Variants in MAP4K4 observed in about 807,000 individuals in gnomAD.
MAP4K4 encodes the protein HPK/GCK-like kinase HGK.
Under a neutral mutation model 189.6 loss-of-function variants are expected in MAP4K4, and 38 were observed. That is an observed-to-expected ratio of 0.20 (90% CI 0.15 to 0.26). MAP4K4 has a LOEUF of 0.26. Among genes scored for constraint, MAP4K4 ranks in the 10% least tolerant of loss-of-function variants. The pLI is 1.00. For synonymous variants in MAP4K4, 610 were observed against 624.3 expected (o/e 0.98, Z 0.34); for missense variants, 1,054 against 1,726.9 (o/e 0.61, Z 6.91).
At chr2:101,806,229 G>A (rs2094913301) in intron 3 of MAP4K4, among the ~76,000 whole-genome samples, 1 of 152,148 alleles carries the variant, frequency 6.6e-6, no homozygotes, top group African/African-American at 2.4e-5. Context: ...TAACTGCTAG[G>A]TTGAGGGAAT....
chr2:101,769,358 C>T (rs6744704), intron 2 of MAP4K4, among the ~76,000 whole-genome samples: 14,773 of 151,968 alleles, frequency 0.097, 2,042 homozygotes, highest in African/African-American at 0.31. Flanking sequence ...TGCTTACAGA[C>T]ATGAAAGTTT....
intron 27 of MAP4K4, among the ~76,000 whole-genome samples, chr2:101,881,154 T>C (rs1460209808): frequency 1.3e-5 from 2 of 152,236 alleles, no homozygotes; most frequent in Non-Finnish European, 2.9e-5. Context: ...TCATCAGAAT[T>C]TGTAGTTTTC....
At chr2:101,727,821 C>T (rs1424688239) in intron 2 of MAP4K4, among the ~76,000 whole-genome samples, 1 of 152,110 alleles carries the variant, frequency 6.6e-6, no homozygotes, top group African/African-American at 2.4e-5. Context: ...ATACAAAAAT[C>T]AGCCGGGCAT....
chr2:101,870,513 TG>T, intron 23 of MAP4K4, 98 bp downstream of exon 23: 1 of 1,502,830 alleles, frequency 6.7e-7, no homozygotes, highest in Non-Finnish European at 9.0e-7. Context: ...CATCATCATC[TG>T]TTTTCATGTT....
rs906911159 is a variant in MAP4K4 at position 101,776,099 on chromosome 2, C to T, written c.124-14621C>T. Reference sequence around the variant, plus strand: ...ACTGGAGCCTTTCTGACATTATTCCCCATCAAGCCGTAGTGGCAGTTACTC... The same window carrying T: ...ACTGGAGCCTTTCTGACATTATTCCTCATCAAGCCGTAGTGGCAGTTACTC... On this transcript the variant is annotated intron_variant, in intron 2 of 32. Coordinates refer to ENST00000324219, the Ensembl canonical transcript of MAP4K4. Among the ~76,000 whole-genome samples, 3 of 152,144 alleles carry T rather than the reference C, an allele frequency of 2.0e-5. No individual in the cohort carries two copies. The South Asian group carries it at 6.2e-4, about 31-fold the overall frequency.
At chr2:101,721,436 T>C (rs915079800) in intron 2 of MAP4K4, among the ~76,000 whole-genome samples, 3 of 116,654 alleles carry the variant, frequency 2.6e-5, no homozygotes, top group Admixed American at 8.7e-5. Flanking sequence ...AGTATATTGC[T>C]TTTTTTTTTT....
intron 2 of MAP4K4, among the ~76,000 whole-genome samples, chr2:101,730,535 G>T (rs1237759032): frequency 6.6e-6 from 1 of 152,136 alleles, no homozygotes; most frequent in East Asian, 1.9e-4. Context: ...ATTGTCCCGT[G>T]GGTCTCTATT....
At chr2:101,787,621 A>T (rs1038735780) in intron 2 of MAP4K4, among the ~76,000 whole-genome samples, 1 of 151,944 alleles carries the variant, frequency 6.6e-6, no homozygotes, top group East Asian at 1.9e-4. Context: ...TCCTTTAAAA[A>T]ACTCTTGGTG....
intron 26 of MAP4K4, among the ~76,000 whole-genome samples, chr2:101,874,556 T>C (rs2098142039): frequency 6.6e-6 from 1 of 152,202 alleles, no homozygotes; most frequent in South Asian, 2.1e-4. Flanking sequence ...GTTTTTAGTG[T>C]AACCATCAGC....
rs1430798955 is a variant in MAP4K4 at position 101,825,517 on chromosome 2, A to G, written c.417+88A>G. 2.4e-5 allele frequency: 18 copies of G among 740,622 alleles called. No homozygotes were observed. The East Asian group carries it at 2.8e-4, about 11-fold the overall frequency. 45.9% of individuals were successfully genotyped at this position (740,622 alleles called of 1,614,324 possible). ...CCAGCCCCAAGTACTTCTTTGCATT[A>G]CTTATATCTATATAGATTATTCTCT... On this transcript the variant is annotated intron_variant, in intron 5 of 32. Coordinates refer to ENST00000324219, the Ensembl canonical transcript of MAP4K4.
At chr2:101,770,936 C>T (rs996904213) in intron 2 of MAP4K4, among the ~76,000 whole-genome samples, 8 of 152,200 alleles carry the variant, frequency 5.3e-5, no homozygotes, top group Non-Finnish European at 7.3e-5. Context: ...TCTCGAGTGT[C>T]CTGTCTACCA....
chr2:101,726,007 C>G (rs1184053020), intron 2 of MAP4K4, among the ~76,000 whole-genome samples: 1 of 152,066 alleles, frequency 6.6e-6, no homozygotes, highest in Non-Finnish European at 1.5e-5. Context: ...ATCTAGTGCC[C>G]CCTGTCGGGG....
intron 2 of MAP4K4, among the ~76,000 whole-genome samples, chr2:101,779,127 G>A (rs1011880722): frequency 2.6e-5 from 4 of 152,176 alleles, no homozygotes; most frequent in Non-Finnish European, 5.9e-5. Flanking sequence ...TTTGTTGAGA[G>A]AATGAACACA....
At chr2:101,853,151 G>T (rs1246791770) in intron 12 of MAP4K4, among the ~76,000 whole-genome samples, 2 of 152,160 alleles carry the variant, frequency 1.3e-5, no homozygotes, top group African/African-American at 2.4e-5. Flanking sequence ...CTAAGTAGTT[G>T]CCAGGTGCTG....
chr2:101,785,666 C>CT lies in MAP4K4; in HGVS notation c.124-5051dup, dbSNP rs1558912598. Among the ~76,000 whole-genome samples the CT allele has an allele frequency of 9.5e-4, 44 of 46,408 alleles. 8 individuals are homozygous for CT. Among genetic ancestry groups the CT allele is most frequent in the African/African-American group, 6.9e-3 (41 of 5,976 alleles). 30.4% of individuals were successfully genotyped at this position (46,408 alleles called of 152,430 possible). Reference sequence around the variant, plus strand: ...TAGGAACATTGCCATCTTCTTCTTTCTTTCTTTCTCCCTCTCTCTCTCTCT... The same window carrying CT: ...TAGGAACATTGCCATCTTCTTCTTTCTTTTCTTTCTCCCTCTCTCTCTCTCT... On this transcript the variant is annotated intron_variant, in intron 2 of 32. Coordinates refer to ENST00000324219, the Ensembl canonical transcript of MAP4K4.
At chr2:101,846,876 G>A (rs578019246) in intron 12 of MAP4K4, among the ~76,000 whole-genome samples, 18 of 152,278 alleles carry the variant, frequency 1.2e-4, no homozygotes, top group African/African-American at 3.6e-4. Flanking sequence ...TACACTCCAG[G>A]TCTGAGGAAG....
chr2:101,811,782 T>G (rs1248152563), intron 3 of MAP4K4, among the ~76,000 whole-genome samples: 1 of 152,180 alleles, frequency 6.6e-6, no homozygotes, highest in Non-Finnish European at 1.5e-5. Flanking sequence ...CCAAGGAAAG[T>G]GGCATGGCAA....
chr2:101,770,156 CAT>C (rs1396170708), intron 2 of MAP4K4, among the ~76,000 whole-genome samples: 1 of 151,224 alleles, frequency 6.6e-6, no homozygotes, highest in African/African-American at 2.4e-5. Context: ...ATATCATTAA[CAT>C]GTAGTTTTCA....
At chr2:101,823,831 G>T in intron 3 of MAP4K4, 97 bp from the exon 4 acceptor site, 1 of 1,054,986 alleles carries the variant, frequency 9.5e-7, no homozygotes, top group African/African-American at 1.6e-5. Flanking sequence ...GGAGGATGGA[G>T]AACTTGTGTT....
Sources: allele counts gnomAD v4.1 joint callset (sites outside exome capture counted in the v4.1 genomes callset), GRCh38; gene constraint gnomAD v4.1.1; transcripts MANE v1.5; gene names NCBI Gene and HGNC (gene_info 2026-07-23, HGNC 2026-07-21).